Variants in UNC5C observed in about 807,000 individuals in gnomAD.
UNC5C encodes netrin receptor UNC5C.
Under a neutral mutation model 99.8 loss-of-function variants are expected in UNC5C, and 47 were observed. The ratio of observed to expected loss-of-function variants is 0.47; its 90% CI spans 0.37 to 0.60. UNC5C has a LOEUF of 0.60. UNC5C is among the 20% of genes least tolerant of loss of function. The pLI is 0.00. For synonymous variants in UNC5C, 487 were observed against 452.2 expected, an observed-to-expected ratio of 1.08 and a Z score of -0.98; for missense variants, 1,062 against 1,165.9, an observed-to-expected ratio of 0.91 and a Z score of 1.30.
chr4:95,379,013 A>G (rs1461622418), intron 1 of UNC5C, among the ~76,000 whole-genome samples: 3 of 152,116 alleles, frequency 2.0e-5, no homozygotes. Flanking sequence ...CTTACTTTGG[A>G]AGTAGGAACT....
chr4:95,456,400 T>A (rs1298978175), intron 1 of UNC5C, among the ~76,000 whole-genome samples: 2 of 152,096 alleles, frequency 1.3e-5, no homozygotes, highest in Non-Finnish European at 2.9e-5. Flanking sequence ...GTGATGGAAA[T>A]AGACTAACTT....
intron 2 of UNC5C, among the ~76,000 whole-genome samples, chr4:95,309,863 T>G (rs1255280102): frequency 6.6e-6 from 1 of 152,190 alleles, no homozygotes; most frequent in East Asian, 1.9e-4. Flanking sequence ...TGAAAAACTG[T>G]ATGAAGTTTC....
intron 2 of UNC5C, among the ~76,000 whole-genome samples, chr4:95,310,690 G>A (rs1742244865): frequency 6.9e-6 from 1 of 144,662 alleles, no homozygotes; most frequent in South Asian, 2.3e-4. Context: ...TATGGCCATA[G>A]TTTTTAGGAA....
At position 95,206,754 on chromosome 4, in the gene UNC5C, C is replaced by T; in HGVS notation, c.1776G>A (p.Val592=). The T allele has an allele frequency of 6.2e-7, 1 of 1,613,314 alleles. No homozygotes were observed. Among genetic ancestry groups the T allele is most frequent in the Non-Finnish European group, 8.5e-7 (1 of 1,179,636 alleles). ...GCAGAGCTCCTGGGGGCCCACAGCT[C>T]ACCACAGGGGTCAAAAGTGTCTGAG... is the stretch of plus-strand genomic sequence containing the variant. The part of the protein sequence containing the change: ...DDSQTLLTPV[V]SCGPPGALLT... The change falls in exon 11 of 16, where the codon GTG becomes GTA. Residue 592 remains valine (V), a synonymous_variant. Transcript: ENST00000453304.
At chr4:95,332,785 A>T (rs1560790507) in intron 2 of UNC5C, among the ~76,000 whole-genome samples, 1 of 151,536 alleles carries the variant, frequency 6.6e-6, no homozygotes, top group Non-Finnish European at 1.5e-5. Context: ...TGAACAGGCA[A>T]CCTACAAAAT....
At chr4:95,385,975 T>C (rs1180627777) in intron 1 of UNC5C, among the ~76,000 whole-genome samples, 1 of 152,058 alleles carries the variant, frequency 6.6e-6, no homozygotes, top group Non-Finnish European at 1.5e-5. Context: ...GCCTCAGTCC[T>C]CCCCAACCAG....
intron 13 of UNC5C, 30 bp downstream of exon 13, chr4:95,185,017 C>T (rs780680308): frequency 6.3e-7 from 1 of 1,595,042 alleles, no homozygotes; most frequent in Non-Finnish European, 8.5e-7. Context: ...GAGATGTCTC[C>T]AGACCTTTTG....
intron 7 of UNC5C, among the ~76,000 whole-genome samples, chr4:95,233,654 G>A (rs1738994926): frequency 2.0e-5 from 3 of 152,300 alleles, no homozygotes; most frequent in East Asian, 3.9e-4. Flanking sequence ...ATAAAAGTTA[G>A]GCCCCATGTG....
At chr4:95,187,494 T>TATCA (rs1736878436) in intron 12 of UNC5C, among the ~76,000 whole-genome samples, 1 of 152,124 alleles carries the variant, frequency 6.6e-6, no homozygotes, top group Admixed American at 6.6e-5. Context: ...TGAAGAGCAT[T>TATCA]ATCAGTTTTC....
chr4:95,524,304 C>T (rs1221112159), intron 1 of UNC5C, among the ~76,000 whole-genome samples: 1 of 152,118 alleles, frequency 6.6e-6, no homozygotes, highest in African/African-American at 2.4e-5. Context: ...GCCTCATCTT[C>T]AACACTTCTC....
chr4:95,183,836 C>T (rs1736716106), intron 13 of UNC5C, among the ~76,000 whole-genome samples: 1 of 152,170 alleles, frequency 6.6e-6, no homozygotes, highest in Admixed American at 6.5e-5. Context: ...CTTAATCTTT[C>T]CATTGCTCAG....
intron 4 of UNC5C, among the ~76,000 whole-genome samples, chr4:95,275,462 T>A (rs1272214652): frequency 6.6e-6 from 1 of 152,168 alleles, no homozygotes; most frequent in Non-Finnish European, 1.5e-5. Context: ...TTATCTCCCC[T>A]TTATAGTTGA....
At position 95,301,714 on chromosome 4, in the gene UNC5C, G is replaced by A. The variant is rs767605519; in HGVS notation, c.382C>T (p.Arg128Cys). ...IVREVSIEIS[R>C]QQVEELFGPE... The stretch of plus-strand genomic sequence containing the variant: ...CCAAAGAGTTCTTCCACTTGCTGGC[G>A]CGAAATCTCAATGCTCACTTCCCGG... Residue 128 changes from arginine (R) to cysteine (C), a missense_variant, in exon 3 of 16, where the codon CGC becomes TGC. Arg to Cys is a radical substitution (Grantham distance 180, BLOSUM62 -3). This residue lies in a region of UNC5C where 249 missense variants were observed against 295.1 expected (regional missense o/e 0.84). Transcript: ENST00000453304. 5.6e-6 allele frequency: 9 copies of A among 1,613,124 alleles called. No homozygotes were observed. Among genetic ancestry groups the A allele is most frequent in the Non-Finnish European group, 6.8e-6 (8 of 1,180,018 alleles).
intron 1 of UNC5C, among the ~76,000 whole-genome samples, chr4:95,461,084 T>C (rs901891407): frequency 2.0e-5 from 3 of 152,226 alleles, no homozygotes; most frequent in African/African-American, 7.2e-5. Flanking sequence ...AAATCATAAT[T>C]TTAAATTATT....
chr4:95,182,080 T>C (rs1736633674), intron 14 of UNC5C, among the ~76,000 whole-genome samples: 1 of 151,882 alleles, frequency 6.6e-6, no homozygotes, highest in South Asian at 2.1e-4. Context: ...GTTCCTCTGG[T>C]GTGAAGGGTT....
chr4:95,425,524 G>T (rs1483070747), intron 1 of UNC5C, among the ~76,000 whole-genome samples: 4 of 152,120 alleles, frequency 2.6e-5, no homozygotes, highest in African/African-American at 9.7e-5. Flanking sequence ...GGGTTTCACT[G>T]TGTTAGCCAG....
At chr4:95,385,812 T>A (rs1195739143) in intron 1 of UNC5C, among the ~76,000 whole-genome samples, 2 of 152,208 alleles carry the variant, frequency 1.3e-5, no homozygotes, top group African/African-American at 4.8e-5. Context: ...CTATTTAATA[T>A]CTTTTTGAAT....
chr4:95,382,955 G>C lies in UNC5C; in HGVS notation c.125-47324C>G, dbSNP rs145474267. Among the ~76,000 whole-genome samples, 53 of 152,198 alleles carry C rather than the reference G, an allele frequency of 3.5e-4. No individual in the cohort carries two copies. The South Asian group carries it at 1.0e-2, about 29-fold the overall frequency. On this transcript the variant is annotated intron_variant, in intron 1 of 15. Coordinates refer to ENST00000453304, the MANE Select transcript of UNC5C (RefSeq NM_003728.4). ...CAGTCTTGTGGGCTGTGTTGGTTTTGGGGTATCAAAATCTGATTAACTTAA... is the reference window on the plus strand; with the variant it reads ...CAGTCTTGTGGGCTGTGTTGGTTTTCGGGTATCAAAATCTGATTAACTTAA...
chr4:95,439,000 A>G (rs1174070225), intron 1 of UNC5C, among the ~76,000 whole-genome samples: 1 of 152,146 alleles, frequency 6.6e-6, no homozygotes, highest in African/African-American at 2.4e-5. Context: ...CTTCTCCCCA[A>G]GTGAAGATGG....
Sources: gnomAD v4.1 joint callset for allele counts (sites outside exome capture counted in the v4.1 genomes callset) on GRCh38, gnomAD v4.1.1 for gene constraint, gnomAD v4.1.1 regional missense constraint, MANE v1.5 for transcripts, NCBI Gene and HGNC (gene_info 2026-07-23, HGNC 2026-07-21) for gene names.